Variants in DCX observed in about 807,000 individuals in gnomAD.
DCX encodes the protein neuronal migration protein doublecortin.
A neutral mutation model predicts 20.9 loss-of-function variants in DCX; 4 were observed. The ratio of observed to expected loss-of-function variants is 0.19; its 90% CI spans 0.09 to 0.44. The LOEUF is 0.44. DCX is among the 20% of genes least tolerant of loss of function. The pLI, the probability that DCX is intolerant of heterozygous loss-of-function variation, is 0.99. For missense variants in DCX, 133 were observed against 296.9 expected (o/e 0.45, Z 4.06); for synonymous variants, 103 against 111.4 (o/e 0.92, Z 0.47).
chrX:111,376,759 G>A (rs770561152), intron 3 of DCX, among the ~76,000 whole-genome samples: 4 of 111,657 alleles, frequency 3.6e-5, no homozygotes, highest in African/African-American at 9.8e-5. Flanking sequence ...TGCTGATAGA[G>A]GAGGGAGCAT....
At chrX:111,381,186 C>T (rs1295610106) in intron 3 of DCX, among the ~76,000 whole-genome samples, 1 of 109,881 alleles carries the variant, frequency 9.1e-6, no homozygotes, top group Non-Finnish European at 1.9e-5. Context: ...ATATTCCAAA[C>T]TCTACTCTGC....
At chrX:111,311,580 C>T (rs1297467566) in intron 6 of DCX, among the ~76,000 whole-genome samples, 1 of 111,521 alleles carries the variant, frequency 9.0e-6, no homozygotes, top group Non-Finnish European at 1.9e-5. Context: ...ACACAATCAG[C>T]TCTCACCACC....
intron 3 of DCX, among the ~76,000 whole-genome samples, chrX:111,343,971 G>A (rs1259067254): frequency 9.0e-6 from 1 of 111,120 alleles, no homozygotes; most frequent in Non-Finnish European, 1.9e-5. Context: ...GACAGAACGA[G>A]ACTCCATCTC....
At chrX:111,397,802 C>T (rs758268327) in intron 3 of DCX, among the ~76,000 whole-genome samples, 136 of 36,017 alleles carry the variant, frequency 3.8e-3, no homozygotes, top group African/African-American at 4.9e-3. Context: ...TGTATATCTA[C>T]ATATATGTGT....
chrX:111,410,937 A>G (rs1928660853), intron 1 of DCX: 1 of 1,211,111 alleles, frequency 8.3e-7, no homozygotes, highest in Non-Finnish European at 1.1e-6. Context: ...CAGTCTTTGC[A>G]TTTCAGTACA....
chrX:111,354,784 C>T (rs956172368), intron 3 of DCX, among the ~76,000 whole-genome samples: 3 of 112,807 alleles, frequency 2.7e-5, no homozygotes, highest in Admixed American at 1.9e-4. Flanking sequence ...CTTGCATAGG[C>T]TGCTGGGATC....
rs192602283 is a variant in DCX, at chrX:111,386,061, T to C, written c.705+14929A>G. Among the ~76,000 whole-genome samples the C allele has an allele frequency of 2.4e-3, 266 of 111,961 alleles. 1 individual carries two copies. The highest frequency in any genetic ancestry group is 7.6e-3 in the African/African-American group (236 of 30,858). ...AAACTAGCTACCCCACATCATTCTGTTCTGTTTCAGGCTGGGACTTGACAA... is the reference window on the plus strand; with the variant it reads ...AAACTAGCTACCCCACATCATTCTGCTCTGTTTCAGGCTGGGACTTGACAA... On this transcript the variant is annotated intron_variant, in intron 3 of 6. Transcript: ENST00000636035.
In DCX at chrX:111,301,131, C is replaced by G; in HGVS notation, c.*556G>C. ...TTGTTGGTTTATTTCTCCCCATTGA[C>G]AGCCAGAATTGGTGCTGGACAACAA... is the stretch of plus-strand genomic sequence containing the variant. On this transcript the variant is annotated 3_prime_UTR_variant, in exon 7 of 7. Transcript: ENST00000636035. 1 of 117,731 alleles carries G rather than the reference C, an allele frequency of 8.5e-6. No individual in the cohort carries two copies. The highest frequency in any genetic ancestry group is 1.8e-5 in the Non-Finnish European group (1 of 55,458). 9.7% of individuals were successfully genotyped at this position (117,731 alleles called of 1,213,427 possible).
chrX:111,390,012 A>C (rs1910426704), intron 3 of DCX, among the ~76,000 whole-genome samples: 1 of 112,127 alleles, frequency 8.9e-6, no homozygotes, highest in South Asian at 3.7e-4. Context: ...GGTTAATCAA[A>C]GGGGAGATTA....
At chrX:111,316,093 A>AAT (rs1556369840) in intron 5 of DCX, among the ~76,000 whole-genome samples, 2 of 100,800 alleles carry the variant, frequency 2.0e-5, no homozygotes, top group Non-Finnish European at 4.0e-5. Flanking sequence ...AAATAAAAAA[A>AAT]AAAAAAAAAA....
intron 3 of DCX, among the ~76,000 whole-genome samples, chrX:111,376,742 C>T (rs1042337799): frequency 9.0e-6 from 1 of 111,619 alleles, no homozygotes. Flanking sequence ...CCAGGTGATA[C>T]TCATGCTGCT....
At chrX:111,317,457 C>A (rs984311183) in intron 5 of DCX, among the ~76,000 whole-genome samples, 10 of 109,957 alleles carry the variant, frequency 9.1e-5, no homozygotes, top group African/African-American at 2.7e-4. Flanking sequence ...ATGAAAAACC[C>A]TGGAAGATAA....
intron 3 of DCX, among the ~76,000 whole-genome samples, chrX:111,388,405 C>G (rs17307419): frequency 0.012 from 1,366 of 111,754 alleles, 6 homozygotes; most frequent in Non-Finnish European, 0.016. Context: ...TTAATTATTC[C>G]TTTCAGCCTT....
At chrX:111,306,500 C>T (rs1431087127) in intron 6 of DCX, among the ~76,000 whole-genome samples, 1 of 111,474 alleles carries the variant, frequency 9.0e-6, no homozygotes, top group Non-Finnish European at 1.9e-5. Flanking sequence ...AAATATCCCA[C>T]TTTCAATAAT....
At chrX:111,394,812 C>T (rs998401167) in intron 3 of DCX, among the ~76,000 whole-genome samples, 2 of 112,159 alleles carry the variant, frequency 1.8e-5, no homozygotes, top group Non-Finnish European at 3.8e-5. Context: ...CACTGTCAAA[C>T]ACTTGCCACA....
At chrX:111,386,827 G>T (rs893559714) in intron 3 of DCX, among the ~76,000 whole-genome samples, 31 of 111,311 alleles carry the variant, frequency 2.8e-4, no homozygotes, top group African/African-American at 9.5e-4. Context: ...GAAAATGAAT[G>T]ACACCATCCA....
intron 2 of DCX, among the ~76,000 whole-genome samples, chrX:111,406,639 A>G (rs1928232864): frequency 8.9e-6 from 1 of 112,336 alleles, no homozygotes; most frequent in African/African-American, 3.2e-5. Context: ...AATACATGGA[A>G]CAACATAGAT....
In DCX at chrX:111,301,829, A is replaced by G. The variant is rs377163968; in HGVS notation, c.1045-86T>C. 23 of 850,957 alleles carry G rather than the reference A, an allele frequency of 2.7e-5. No individual in the cohort carries two copies. The African/African-American group carries it at 4.5e-4, about 17-fold the overall frequency. The allele number at this position is 850,957 out of a possible 1,213,427, so 70.1% of individuals were successfully genotyped here. A position where few individuals can be genotyped will look rare whatever the true frequency, so the allele number is the denominator to read the frequency against. On this transcript the variant is annotated intron_variant, in intron 6 of 6. Coordinates refer to ENST00000636035, the MANE Select transcript of DCX (RefSeq NM_001195553.2). The stretch of plus-strand genomic sequence containing the variant: ...GTCTGCTTTAGTTTTTTTTATTAAT[A>G]CTTTAATTTTTACAACATAATAATT...
intron 6 of DCX, among the ~76,000 whole-genome samples, chrX:111,304,350 A>G (rs1481586658): frequency 8.9e-6 from 1 of 112,412 alleles, no homozygotes; most frequent in African/African-American, 3.2e-5. Context: ...AAAGCTTGCA[A>G]CAATCCAAAC....
Sources: allele counts gnomAD v4.1 joint callset (sites outside exome capture counted in the v4.1 genomes callset), GRCh38; gene constraint gnomAD v4.1.1; transcripts MANE v1.5; gene names NCBI Gene and HGNC (gene_info 2026-07-23, HGNC 2026-07-21).